TNFRSF10C: variants seen among roughly 807,000 people sequenced by gnomAD.
TNFRSF10C encodes tumor necrosis factor receptor superfamily member 10C.
In TNFRSF10C, 17 loss-of-function variants were observed where a neutral mutation model predicts 16.7. The ratio of observed to expected loss-of-function variants is 1.02; its 90% CI spans 0.70 to 1.53. The LOEUF (loss-of-function observed/expected upper bound fraction) is 1.53, where lower values mean the gene tolerates loss of function less well. Among genes scored for constraint, TNFRSF10C ranks in the 40% most tolerant of loss-of-function variants. TNFRSF10C has a pLI of 0.00. For missense variants in TNFRSF10C, 237 were observed against 329.7 expected (o/e 0.72, Z 2.18); for synonymous variants, 73 against 119.7 (o/e 0.61, Z 2.55).
rs749250247 is a variant in TNFRSF10C at position 23,115,608 on chromosome 8, G to C, written c.381G>C (p.Lys127Asn). ...AAAACTCCCCAGAGATGTGCCGGAAGTGTAGCAGGTGAGACAGCAGTCAGG... is the reference window on the plus strand; with the variant it reads ...AAAACTCCCCAGAGATGTGCCGGAACTGTAGCAGGTGAGACAGCAGTCAGG... ...RNENSPEMCR[K>N]CSRCPSGEVQ... is the part of the protein sequence containing the mutation. The change falls in exon 4 of 5, where the codon AAG becomes AAC. Residue 127 changes from lysine to asparagine, a missense_variant. This residue lies in a region of TNFRSF10C where 212 missense variants were observed against 196.8 expected (regional missense o/e 1.08). Transcript: ENST00000356864. 1.2e-6 allele frequency: 2 copies of C among 1,613,422 alleles called. No individual in the cohort carries two copies. Among genetic ancestry groups the C allele is most frequent in the Non-Finnish European group, 1.7e-6 (2 of 1,179,622 alleles).
At position 23,102,931 on chromosome 8, in the gene TNFRSF10C, C is replaced by CT. The variant is rs1813689391; in HGVS notation, c.-190dup. ...CTGCGCTCCGATTCTGGCAGTGCAG[C>CT]TGTGGGAACCTCTCCACGCGCACGA... On this transcript the variant is annotated 5_prime_UTR_variant, in exon 1 of 5. Transcript: ENST00000356864. 6.8e-7 allele frequency: 1 copy of CT among 1,477,082 alleles called. No individual in the cohort carries two copies. The highest frequency in any genetic ancestry group is 1.4e-5 in the South Asian group (1 of 72,858). The allele number at this position is 1,477,082 out of a possible 1,614,324, so 91.5% of individuals were successfully genotyped here.
intron 1 of TNFRSF10C, among the ~76,000 whole-genome samples, chr8:23,106,843 G>A (rs902690421): frequency 1.3e-5 from 2 of 151,920 alleles, no homozygotes; most frequent in Non-Finnish European, 2.9e-5. Context: ...AACAATTAGC[G>A]GAGTGTGGTG....
chr8:23,108,156 A>G (rs918911175), intron 1 of TNFRSF10C, among the ~76,000 whole-genome samples: 1 of 152,100 alleles, frequency 6.6e-6, no homozygotes, highest in Non-Finnish European at 1.5e-5. Context: ...AAGCTTTAGA[A>G]CAGGAAGGAA....
At position 23,111,584 on chromosome 8, in the gene TNFRSF10C, A is replaced by G. The variant is rs1369433013; in HGVS notation, c.61-136A>G. On this transcript the variant is annotated intron_variant, in intron 1 of 4. Transcript: ENST00000356864. ...CAAGGGACAAACACAGGTATGAAAG[A>G]ATGAAAGTTTGGAGCTGGAAAAAAT... 4.2e-6 allele frequency: 3 copies of G among 711,432 alleles called. No individual in the cohort carries two copies. In the East Asian group the frequency reaches 8.3e-5, roughly 20 times the overall value. The allele number at this position is 711,432 out of a possible 1,614,324, so 44.1% of individuals were successfully genotyped here. A position where few individuals can be genotyped will look rare whatever the true frequency, so the allele number is the denominator to read the frequency against.
chr8:23,105,743 G>A lies in TNFRSF10C; in HGVS notation c.60+2562G>A, dbSNP rs370555266. ...GTGAGGCTCTAGCTTCTAGGTCAGGGATGGGGACAGTGGGGACAGTGCCAT... is the reference window on the plus strand; with the variant it reads ...GTGAGGCTCTAGCTTCTAGGTCAGGAATGGGGACAGTGGGGACAGTGCCAT... On this transcript the variant is annotated intron_variant, in intron 1 of 4. Coordinates refer to ENST00000356864, the MANE Select transcript of TNFRSF10C (RefSeq NM_003841.5). Among the ~76,000 whole-genome samples, 26 of 152,320 alleles carry A rather than the reference G, an allele frequency of 1.7e-4. 1 individual carries two copies. In the South Asian group the frequency reaches 4.6e-3, roughly 27 times the overall value.
At chr8:23,112,846 G>A (rs545147253) in intron 2 of TNFRSF10C, among the ~76,000 whole-genome samples, 1 of 152,304 alleles carries the variant, frequency 6.6e-6, no homozygotes, top group East Asian at 1.9e-4. Flanking sequence ...TAGTGGGATT[G>A]CTAGATCATA....
intron 2 of TNFRSF10C, among the ~76,000 whole-genome samples, chr8:23,113,037 T>C (rs1006477332): frequency 1.3e-5 from 2 of 151,714 alleles, no homozygotes; most frequent in African/African-American, 4.8e-5. Context: ...ATTTGGCACT[T>C]GATGGTTAGT....
rs1027182836 is a variant in TNFRSF10C at position 23,117,357 on chromosome 8, G to A, written c.*326G>A. 4.5e-6 allele frequency: 2 copies of A among 447,866 alleles called. No individual in the cohort carries two copies. The highest frequency in any genetic ancestry group is 3.9e-5 in the African/African-American group (2 of 51,306). 27.7% of individuals were successfully genotyped at this position (447,866 alleles called of 1,614,324 possible). A position where few individuals can be genotyped will look rare whatever the true frequency, so the allele number is the denominator to read the frequency against. ...CATCTTCAGGCCCAGCCAGGCAGGG[G>A]GCAGTCGGCTCCTCAACTGGGTGAC... On this transcript the variant is annotated 3_prime_UTR_variant, in exon 5 of 5. Coordinates refer to ENST00000356864, the MANE Select transcript of TNFRSF10C (RefSeq NM_003841.5).
intron 4 of TNFRSF10C, 93 bp from the exon 5 acceptor site, chr8:23,116,548 C>T: frequency 1.3e-6 from 2 of 1,507,632 alleles, no homozygotes; most frequent in Admixed American, 3.9e-5. Flanking sequence ...GACACCTTCT[C>T]AGGGACATTG....
chr8:23,106,744 C>A (rs12679877), intron 1 of TNFRSF10C, among the ~76,000 whole-genome samples: 1 of 151,802 alleles, frequency 6.6e-6, no homozygotes. Flanking sequence ...CCCAGCACTT[C>A]GGGAGGTCAA....
chr8:23,106,730 TAA>T (rs2128830063), intron 1 of TNFRSF10C, among the ~76,000 whole-genome samples: 1 of 152,286 alleles, frequency 6.6e-6, no homozygotes, highest in Non-Finnish European at 1.5e-5. Context: ...CTCACGCCTG[TAA>T]TCCCAGCACT....
intron 4 of TNFRSF10C, among the ~76,000 whole-genome samples, chr8:23,116,374 C>T (rs1053343597): frequency 1.3e-5 from 2 of 152,204 alleles, no homozygotes; most frequent in Non-Finnish European, 2.9e-5. Flanking sequence ...TAACGCAGGC[C>T]TCCTCTGCAG....
At chr8:23,112,042 T>C (rs1813888638) in intron 2 of TNFRSF10C, among the ~76,000 whole-genome samples, 1 of 152,230 alleles carries the variant, frequency 6.6e-6, no homozygotes, top group African/African-American at 2.4e-5. Flanking sequence ...GGATAAGCCC[T>C]CTTTGCCCTT....
At position 23,116,679 on chromosome 8, in the gene TNFRSF10C, C is replaced by A. The variant is rs1813989154; in HGVS notation, c.428C>A (p.Ser143Tyr). The change falls in exon 5 of 5, where the codon TCC becomes TAC. Residue 143 changes from serine to tyrosine, a missense_variant. Around this residue, in one of 2 missense-constraint regions of TNFRSF10C, gnomAD observed 212 missense variants for 196.8 expected, o/e 1.08. Transcript: ENST00000356864. The part of the protein sequence containing the change: ...SGEVQVSNCT[S>Y]WDDIQCVEEF... ...GAAGTCCAAGTCAGTAATTGTACGTCCTGGGATGATATCCAGTGTGTTGAA... is the reference window on the plus strand; with the variant it reads ...GAAGTCCAAGTCAGTAATTGTACGTACTGGGATGATATCCAGTGTGTTGAA... 3 of 1,614,112 alleles carry A rather than the reference C, an allele frequency of 1.9e-6. No individual in the cohort carries two copies. The highest frequency in any genetic ancestry group is 2.5e-6 in the Non-Finnish European group (3 of 1,180,034).
intron 1 of TNFRSF10C, among the ~76,000 whole-genome samples, chr8:23,110,069 C>CAAA (rs56263402): frequency 0.053 from 2,109 of 39,600 alleles, 491 homozygotes; most frequent in Admixed American, 0.14. Flanking sequence ...ACCCTGTCTC[C>CAAA]AAAAAAAAAA....
intron 1 of TNFRSF10C, among the ~76,000 whole-genome samples, chr8:23,110,069 C>CA (rs56263402): frequency 0.49 from 19,360 of 39,554 alleles, 7,254 homozygotes; most frequent in Non-Finnish European, 0.53. Context: ...ACCCTGTCTC[C>CA]AAAAAAAAAA....
intron 2 of TNFRSF10C, among the ~76,000 whole-genome samples, chr8:23,113,595 C>T (rs1813921504): frequency 6.6e-6 from 1 of 152,210 alleles, no homozygotes. Context: ...TTCTCACAAT[C>T]AATCAACTGT....
chr8:23,117,270 T>A lies in TNFRSF10C; in HGVS notation c.*239T>A. The A allele has an allele frequency of 1.6e-6, 1 of 616,134 alleles. No homozygotes were observed. The highest frequency in any genetic ancestry group is 2.7e-6 in the Non-Finnish European group (1 of 364,560). The allele number at this position is 616,134 out of a possible 1,614,324, so 38.2% of individuals were successfully genotyped here. A position where few individuals can be genotyped will look rare whatever the true frequency, so the allele number is the denominator to read the frequency against. On this transcript the variant is annotated 3_prime_UTR_variant, in exon 5 of 5. Coordinates refer to ENST00000356864, the MANE Select transcript of TNFRSF10C (RefSeq NM_003841.5). ...AGGACCCTGGTCTCATCAGTCCCTC[T>A]CCTGGAGCTGGGGGTCCACACATCT...
chr8:23,103,684 C>A (rs1371485102), intron 1 of TNFRSF10C: 1 of 178,426 alleles, frequency 5.6e-6, no homozygotes, highest in East Asian at 1.7e-4. Context: ...AAGCGGTTAA[C>A]CAAGGTGCTG....
Sources: gnomAD v4.1 joint callset for allele counts (sites outside exome capture counted in the v4.1 genomes callset) on GRCh38, gnomAD v4.1.1 for gene constraint, gnomAD v4.1.1 regional missense constraint, MANE v1.5 for transcripts, NCBI Gene and HGNC (gene_info 2026-07-23, HGNC 2026-07-21) for gene names.